RNF220: variants seen among roughly 807,000 people sequenced by gnomAD.
RNF220 encodes ring finger protein 220.
A neutral mutation model predicts 67.1 loss-of-function variants in RNF220; 7 were observed. The ratio of observed to expected loss-of-function variants is 0.10; its 90% CI spans 0.06 to 0.20. The LOEUF (loss-of-function observed/expected upper bound fraction) is 0.20, where lower values mean the gene tolerates loss of function less well. Ranked by LOEUF, RNF220 falls within the 10% of genes least tolerant of loss-of-function variation. The pLI, the probability that RNF220 is intolerant of heterozygous loss-of-function variation, is 1.00. For missense variants in RNF220, 565 were observed against 740.3 expected, an observed-to-expected ratio of 0.76 and a Z score of 2.75; for synonymous variants, 270 against 283.2, an observed-to-expected ratio of 0.95 and a Z score of 0.47.
rs528596446 is a variant in RNF220, at chr1:44,434,330, G to A, written c.625+21608G>A. 7.7e-4 allele frequency among the ~76,000 whole-genome samples: 117 copies of A among 152,226 alleles called. 1 individual carries two copies. The highest frequency in any genetic ancestry group is 2.5e-3 in the African/African-American group (103 of 41,514). On this transcript the variant is annotated intron_variant, in intron 2 of 14. Transcript: ENST00000361799. ...GACCTCTGTAAATCTTTTAGGCCAC[G>A]GAGAGTTGGATTTTATTTTGGGTTC...
chr1:44,555,499 G>C (rs12037923), intron 2 of RNF220, among the ~76,000 whole-genome samples: 11,728 of 151,966 alleles, frequency 0.077, 909 homozygotes, highest in East Asian at 0.37. Context: ...TTTTGAGATG[G>C]AGTCTCGCTC....
chr1:44,468,305 C>T (rs912089764), intron 2 of RNF220, among the ~76,000 whole-genome samples: 2 of 152,054 alleles, frequency 1.3e-5, no homozygotes, highest in African/African-American at 4.8e-5. Context: ...TTGGTTCAAC[C>T]TCTATGGAGG....
At chr1:44,448,808 A>G (rs139702198) in intron 2 of RNF220, among the ~76,000 whole-genome samples, 126 of 152,336 alleles carry the variant, frequency 8.3e-4, no homozygotes, top group African/African-American at 2.9e-3. Flanking sequence ...CAGTACTTTC[A>G]CATAGTAAAC....
intron 2 of RNF220, among the ~76,000 whole-genome samples, chr1:44,484,882 G>A (rs890117117): frequency 6.6e-6 from 1 of 152,204 alleles, no homozygotes; most frequent in African/African-American, 2.4e-5. Flanking sequence ...GGTGGCTCAC[G>A]CCTGTAATCC....
At chr1:44,628,567 A>C (rs550254147) in intron 5 of RNF220, among the ~76,000 whole-genome samples, 9 of 152,342 alleles carry the variant, frequency 5.9e-5, no homozygotes, top group Admixed American at 2.6e-4. Flanking sequence ...GTTGTGTCCT[A>C]CAAGATAAAG....
intron 2 of RNF220, among the ~76,000 whole-genome samples, chr1:44,610,976 A>C (rs1274312325): frequency 2.6e-5 from 4 of 152,196 alleles, no homozygotes; most frequent in African/African-American, 4.8e-5. Flanking sequence ...TATTCTGGGA[A>C]TTATGCAAAC....
chr1:44,527,371 A>G (rs1050532788), intron 2 of RNF220, among the ~76,000 whole-genome samples: 1 of 149,998 alleles, frequency 6.7e-6, no homozygotes, highest in African/African-American at 2.5e-5. Flanking sequence ...GAAGGAGGAA[A>G]GGAAGGAAGG....
Position 44,649,767 on chromosome 1 carries a change from A to G in RNF220, c.1552A>G (p.Met518Val), listed in dbSNP as rs761289656. ...RGDRYKCLIC[M>V]DSYSMPLTSI... ...GGACCGTTACAAATGCCTCATCTGC[A>G]TGGTGAGTAGAAAAGAACCTAGGGG... Residue 518 changes from methionine to valine, a missense_variant and splice_region_variant, in exon 13 of 15, where the codon ATG becomes GTG. Coordinates refer to ENST00000361799, the MANE Select transcript of RNF220 (RefSeq NM_018150.4). This position sits in a 1 kb window ranked among gnomAD's most constrained non-coding sequence, Gnocchi z 5.9. 2 of 1,613,892 alleles carry G rather than the reference A, an allele frequency of 1.2e-6. No homozygotes were observed. Among genetic ancestry groups the G allele is most frequent in the East Asian group, 2.2e-5 (1 of 44,886 alleles).
At chr1:44,610,169 G>C (rs900146419) in intron 2 of RNF220, among the ~76,000 whole-genome samples, 1 of 152,232 alleles carries the variant, frequency 6.6e-6, no homozygotes, top group African/African-American at 2.4e-5. Context: ...AGGGGGCTGC[G>C]GGCGTTCCCC....
rs1248266532 is a variant in RNF220, at chr1:44,632,403, C to T, written c.949+18C>T. 3.1e-6 allele frequency: 5 copies of T among 1,604,482 alleles called. No individual in the cohort carries two copies. The African/African-American group carries it at 4.0e-5, about 13-fold the overall frequency. ...ACTGAATGGTGAGTCCTGCCCGGCCCCTCCCTCCGCCCCACCCCCGGCCTC... is the reference window on the plus strand; with the variant it reads ...ACTGAATGGTGAGTCCTGCCCGGCCTCTCCCTCCGCCCCACCCCCGGCCTC... On this transcript the variant is annotated intron_variant, in intron 6 of 14. Coordinates refer to ENST00000361799, the MANE Select transcript of RNF220 (RefSeq NM_018150.4).
chr1:44,518,199 G>A (rs1043106996), intron 2 of RNF220, among the ~76,000 whole-genome samples: 1 of 152,128 alleles, frequency 6.6e-6, no homozygotes, highest in Non-Finnish European at 1.5e-5. Context: ...GCCAAGGTGG[G>A]AGGATTGCTT....
intron 2 of RNF220, among the ~76,000 whole-genome samples, chr1:44,567,659 G>T (rs2148308085): frequency 6.6e-6 from 1 of 152,172 alleles, no homozygotes; most frequent in South Asian, 2.1e-4. Context: ...TTCTGAGGTG[G>T]CCACTAAGAC....
At chr1:44,632,641 C>T (rs756697722) in intron 6 of RNF220, 19 of 578,504 alleles carry the variant, frequency 3.3e-5, no homozygotes, top group Non-Finnish European at 4.0e-5. Flanking sequence ...CAATAAGTGC[C>T]GGAGAATGAG....
intron 2 of RNF220, among the ~76,000 whole-genome samples, chr1:44,543,204 AC>A (rs1279887372): frequency 1.3e-5 from 2 of 150,580 alleles, no homozygotes; most frequent in Non-Finnish European, 3.0e-5. Flanking sequence ...TCCCCGTCAG[AC>A]CCCCCACCTT....
rs79104852 is a variant in RNF220 at position 44,588,023 on chromosome 1, G to T, written c.626-26142G>T. Among the ~76,000 whole-genome samples the T allele has an allele frequency of 4.1e-3, 626 of 152,252 alleles. 6 individuals carry two copies. The highest frequency in any genetic ancestry group is 0.015 in the African/African-American group (606 of 41,542). On this transcript the variant is annotated intron_variant, in intron 2 of 14. Coordinates refer to ENST00000361799, the MANE Select transcript of RNF220 (RefSeq NM_018150.4). ...TGTGTCATTGCCTACAGCTGACCCC[G>T]AGGCCATAAATCCTGCCTCTGTACC...
At chr1:44,638,228 CGCCGGGCGGGCCGGGCTGCAA>C (rs1644385588) in intron 8 of RNF220, 2 of 152,274 alleles carry the variant, frequency 1.3e-5, no homozygotes, top group African/African-American at 2.4e-5. Context: ...ATTGATCGCC[CGCCGGGCGGGCCGGGCTGCAA>C]GCCGGGCAGC....
At chr1:44,585,199 C>T (rs565636799) in intron 2 of RNF220, among the ~76,000 whole-genome samples, 32 of 152,282 alleles carry the variant, frequency 2.1e-4, no homozygotes, top group Non-Finnish European at 3.7e-4. Context: ...GTCTGTTTAA[C>T]CCATCTATCT....
intron 2 of RNF220, among the ~76,000 whole-genome samples, chr1:44,535,441 G>A (rs763287447): frequency 2.6e-5 from 4 of 152,162 alleles, no homozygotes; most frequent in Non-Finnish European, 4.4e-5. Flanking sequence ...GCCCGGCCAG[G>A]AGGCAGCTTC....
intron 2 of RNF220, among the ~76,000 whole-genome samples, chr1:44,498,327 G>GTGTA (rs1449511131): frequency 6.6e-6 from 1 of 152,100 alleles, no homozygotes; most frequent in Non-Finnish European, 1.5e-5. Flanking sequence ...CTGCCCAAGA[G>GTGTA]TGTACCAGGA....
Sources: allele counts gnomAD v4.1 joint callset (sites outside exome capture counted in the v4.1 genomes callset), GRCh38; gene constraint gnomAD v4.1.1; non-coding constraint Gnocchi (gnomAD v3.1); transcripts MANE v1.5; gene names NCBI Gene and HGNC (gene_info 2026-07-23, HGNC 2026-07-21).